DLG2: variants seen among roughly 807,000 people sequenced by gnomAD.
DLG2 encodes the protein disks large homolog 2.
A neutral mutation model predicts 132.5 loss-of-function variants in DLG2; 45 were observed. The ratio of observed to expected loss-of-function variants is 0.34; its 90% CI spans 0.27 to 0.44. DLG2 has a LOEUF of 0.44. Ranked by LOEUF, DLG2 falls within the 20% of genes least tolerant of loss-of-function variation. The pLI is 1.00. For missense variants in DLG2, 1,045 were observed against 1,196.9 expected (o/e 0.87, Z 1.87); for synonymous variants, 424 against 419.6 (o/e 1.01, Z -0.13).
intron 11 of DLG2, among the ~76,000 whole-genome samples, chr11:84,045,429 G>A (rs754026096): frequency 4.0e-5 from 6 of 151,626 alleles, no homozygotes; most frequent in Non-Finnish European, 8.9e-5. Context: ...TAAAACAAGT[G>A]TATAAGTCTA....
intron 3 of DLG2, among the ~76,000 whole-genome samples, chr11:85,579,145 A>C (rs1037355858): frequency 2.6e-5 from 4 of 152,338 alleles, no homozygotes; most frequent in Middle Eastern, 3.4e-3. Flanking sequence ...AGAAAACCAA[A>C]TATTGCATGT....
chr11:84,490,557 C>A (rs1002085156), intron 7 of DLG2, among the ~76,000 whole-genome samples: 1 of 150,984 alleles, frequency 6.6e-6, no homozygotes, highest in Non-Finnish European at 1.5e-5. Flanking sequence ...AATTTTTGGT[C>A]CCTGGAAATA....
At chr11:85,412,894 G>A (rs778550338) in intron 3 of DLG2, among the ~76,000 whole-genome samples, 6 of 151,136 alleles carry the variant, frequency 4.0e-5, no homozygotes, top group Admixed American at 6.6e-5. Flanking sequence ...TATCTTTTTC[G>A]TATAATGATT....
At position 84,905,348 on chromosome 11, in the gene DLG2, C is replaced by T. The variant is rs539152759; in HGVS notation, c.357+206313G>A. Among the ~76,000 whole-genome samples, 30 of 152,168 alleles carry T rather than the reference C, an allele frequency of 2.0e-4. 1 individual carries two copies. The South Asian group carries it at 2.7e-3, about 14-fold the overall frequency. On this transcript the variant is annotated intron_variant, in intron 6 of 27. Coordinates refer to ENST00000376104, the MANE Select transcript of DLG2 (RefSeq NM_001142699.3). ...AAAGAATTTTGTAAAATCTAATATC[C>T]GAATGAAGTATCCAATGCTTTCTCT...
intron 3 of DLG2, among the ~76,000 whole-genome samples, chr11:85,370,010 A>G (rs1349337925): frequency 6.6e-6 from 1 of 152,246 alleles, no homozygotes; most frequent in African/African-American, 2.4e-5. Flanking sequence ...TGAAGAATGC[A>G]GGTCAGATGC....
intron 6 of DLG2, among the ~76,000 whole-genome samples, chr11:84,934,715 G>A (rs1299622681): frequency 6.6e-6 from 1 of 151,534 alleles, no homozygotes; most frequent in Admixed American, 6.6e-5. Flanking sequence ...GAAAGAAATT[G>A]AATCCCTTTT....
At chr11:83,888,375 T>G (rs2154082768) in intron 15 of DLG2, among the ~76,000 whole-genome samples, 1 of 152,084 alleles carries the variant, frequency 6.6e-6, no homozygotes, top group South Asian at 2.1e-4. Flanking sequence ...ATAAAATACC[T>G]AGGAATCCCA....
At chr11:83,919,509 A>G (rs1281936956) in intron 15 of DLG2, among the ~76,000 whole-genome samples, 1 of 152,174 alleles carries the variant, frequency 6.6e-6, no homozygotes, top group East Asian at 1.9e-4. Flanking sequence ...TCCATAATAA[A>G]TTTCTAGACC....
chr11:83,711,638 A>G (rs1221652850), intron 18 of DLG2, among the ~76,000 whole-genome samples: 2 of 152,238 alleles, frequency 1.3e-5, no homozygotes, highest in Non-Finnish European at 2.9e-5. Flanking sequence ...GAAAAGTTAC[A>G]GGCAGAAAAA....
chr11:84,344,339 C>A (rs768469656), intron 7 of DLG2, among the ~76,000 whole-genome samples: 1 of 152,072 alleles, frequency 6.6e-6, no homozygotes, highest in African/African-American at 2.4e-5. Flanking sequence ...ACTATGAGGG[C>A]TTTTGGAAAG....
chr11:84,171,524 C>T (rs2095822131), intron 8 of DLG2, among the ~76,000 whole-genome samples: 1 of 152,124 alleles, frequency 6.6e-6, no homozygotes, highest in Non-Finnish European at 1.5e-5. Context: ...TAATGGCCTC[C>T]AGTTTTATCC....
At chr11:84,801,339 G>A (rs1365901763) in intron 6 of DLG2, among the ~76,000 whole-genome samples, 1 of 152,124 alleles carries the variant, frequency 6.6e-6, no homozygotes, top group Non-Finnish European at 1.5e-5. Context: ...TGAGGCCGAG[G>A]CGGGCGGATC....
At chr11:84,719,917 G>T (rs1315275992) in intron 6 of DLG2, among the ~76,000 whole-genome samples, 3 of 152,090 alleles carry the variant, frequency 2.0e-5, no homozygotes, top group African/African-American at 7.2e-5. Flanking sequence ...AGTGGGTTGG[G>T]GCTCTAGGTG....
chr11:85,125,808 C>T (rs2075031920), intron 5 of DLG2, among the ~76,000 whole-genome samples: 1 of 11,152 alleles, frequency 9.0e-5, no homozygotes, highest in African/African-American at 1.4e-3. Context: ...AGACATTATA[C>T]ACACACACAC....
At chr11:85,001,711 C>T (rs973996971) in intron 6 of DLG2, among the ~76,000 whole-genome samples, 1 of 152,106 alleles carries the variant, frequency 6.6e-6, no homozygotes, top group African/African-American at 2.4e-5. Flanking sequence ...TTTGTATAAA[C>T]TCATCAAATG....
chr11:83,766,396 CT>C (rs35039524), intron 18 of DLG2, among the ~76,000 whole-genome samples: 9,388 of 132,276 alleles, frequency 0.071, 309 homozygotes, highest in Middle Eastern at 0.13. Flanking sequence ...CCTGGCCTGC[CT>C]TTTTTTTTTT....
At chr11:85,339,001 T>C (rs1021436917) in intron 3 of DLG2, among the ~76,000 whole-genome samples, 1 of 152,186 alleles carries the variant, frequency 6.6e-6, no homozygotes, top group South Asian at 2.1e-4. Flanking sequence ...CATGTGTAAT[T>C]AATTTATCTG....
chr11:84,679,125 A>T (rs1307300778), intron 6 of DLG2, among the ~76,000 whole-genome samples: 1 of 151,984 alleles, frequency 6.6e-6, no homozygotes, highest in Non-Finnish European at 1.5e-5. Context: ...AATACAAAAT[A>T]ACAGCAATGA....
At chr11:84,843,438 A>C (rs2080966470) in intron 6 of DLG2, among the ~76,000 whole-genome samples, 2 of 151,902 alleles carry the variant, frequency 1.3e-5, no homozygotes, top group Admixed American at 1.3e-4. Context: ...GGAATATGAT[A>C]AACATATTCC....
Sources: gnomAD v4.1 joint callset for allele counts (sites outside exome capture counted in the v4.1 genomes callset) on GRCh38, gnomAD v4.1.1 for gene constraint, MANE v1.5 for transcripts, NCBI Gene and HGNC (gene_info 2026-07-23, HGNC 2026-07-21) for gene names.